Variants in FBXL2 observed in about 807,000 individuals in gnomAD.
The protein encoded by FBXL2 is F-box/LRR-repeat protein 2.
Under a neutral mutation model 69.2 loss-of-function variants are expected in FBXL2, and 38 were observed. The ratio of observed to expected loss-of-function variants is 0.55; its 90% CI spans 0.42 to 0.72. FBXL2 has a LOEUF of 0.72. FBXL2 is among the 30% of genes least tolerant of loss of function. The probability of loss-of-function intolerance (pLI) is 0.00; values close to 1 mark genes in which losing one functional copy is unlikely to be tolerated. For missense variants in FBXL2, 354 were observed against 520.3 expected, an observed-to-expected ratio of 0.68 and a Z score of 3.11; for synonymous variants, 192 against 201.3, an observed-to-expected ratio of 0.95 and a Z score of 0.39.
intron 2 of FBXL2, among the ~76,000 whole-genome samples, chr3:33,335,280 T>A (rs1009422746): frequency 1.3e-5 from 2 of 151,864 alleles, no homozygotes; most frequent in African/African-American, 4.8e-5. Flanking sequence ...AAGGAAATTC[T>A]TTAGGTGAAG....
intron 4 of FBXL2, among the ~76,000 whole-genome samples, chr3:33,363,647 G>C (rs1368983628): frequency 6.6e-6 from 1 of 152,174 alleles, no homozygotes; most frequent in Non-Finnish European, 1.5e-5. Flanking sequence ...GGTTGTTGTA[G>C]TTTGCTACTG....
intron 1 of FBXL2, among the ~76,000 whole-genome samples, chr3:33,293,031 C>T (rs9815095): frequency 0.011 from 1,598 of 152,170 alleles, 22 homozygotes; most frequent in African/African-American, 0.036. Context: ...CTTCTTTTTT[C>T]TATTTTAGTG....
intron 12 of FBXL2, chr3:33,396,244 C>T: frequency 1.3e-6 from 2 of 1,590,010 alleles, no homozygotes; most frequent in Middle Eastern, 1.7e-4. Flanking sequence ...TTGGCTGCTC[C>T]CGGCAGACAT....
At chr3:33,410,297 T>C in the FBXL2 span, among the ~76,000 whole-genome samples, 1 of 152,230 alleles carries the variant, frequency 6.6e-6, no homozygotes, top group Non-Finnish European at 1.5e-5. Flanking sequence ...TTCTGACTGC[T>C]GCACATCCCC....
At chr3:33,323,777 A>G (rs1000428388) in intron 2 of FBXL2, among the ~76,000 whole-genome samples, 6 of 152,168 alleles carry the variant, frequency 3.9e-5, no homozygotes, top group African/African-American at 1.4e-4. Flanking sequence ...ATATGTGTGT[A>G]TGTGTCTTTA....
chr3:33,319,174 G>A (rs9311009), intron 2 of FBXL2, among the ~76,000 whole-genome samples: 23,252 of 152,004 alleles, frequency 0.15, 1,967 homozygotes, highest in African/African-American at 0.21. Context: ...AGGTACTGCA[G>A]TGGTTCAGCA....
intron 1 of FBXL2, among the ~76,000 whole-genome samples, chr3:33,284,807 T>A (rs2034427053): frequency 6.6e-6 from 1 of 152,220 alleles, no homozygotes; most frequent in Non-Finnish European, 1.5e-5. Context: ...GTAATGGCCT[T>A]CTTTGTCTCT....
intron 4 of FBXL2, among the ~76,000 whole-genome samples, chr3:33,361,053 T>C (rs1459056042): frequency 6.9e-6 from 1 of 145,058 alleles, no homozygotes; most frequent in Non-Finnish European, 1.5e-5. Flanking sequence ...TGCCTCAGCC[T>C]CCCATGTAGC....
chr3:33,390,493 G>C, downstream of FBXL2: 1 of 1,005,902 alleles, frequency 9.9e-7, no homozygotes, highest in African/African-American at 1.6e-5. Flanking sequence ...AATGATTCTA[G>C]AGAAACAAGC....
chr3:33,336,543 A>G (rs2039592691), intron 2 of FBXL2, among the ~76,000 whole-genome samples: 3 of 152,258 alleles, frequency 2.0e-5, no homozygotes, highest in Admixed American at 6.5e-5. Flanking sequence ...TTTCGTCAAC[A>G]TGACATACTG....
At chr3:33,354,030 C>G (rs2041016185) in intron 2 of FBXL2, among the ~76,000 whole-genome samples, 1 of 152,122 alleles carries the variant, frequency 6.6e-6, no homozygotes, top group African/African-American at 2.4e-5. Flanking sequence ...ACCTCTAGAA[C>G]TAACTATATA....
At chr3:33,327,756 A>C (rs1274467458) in intron 2 of FBXL2, among the ~76,000 whole-genome samples, 2 of 152,142 alleles carry the variant, frequency 1.3e-5, no homozygotes, top group African/African-American at 4.8e-5. Context: ...AGATTGAACC[A>C]TAAAGGCTTT....
chr3:33,367,744 G>A (rs935381287), intron 5 of FBXL2, among the ~76,000 whole-genome samples: 3 of 150,618 alleles, frequency 2.0e-5, no homozygotes, highest in Admixed American at 6.6e-5. Flanking sequence ...CTTCCTTTTG[G>A]TTACTTTGGG....
At chr3:33,361,188 G>A (rs1430899995) in intron 4 of FBXL2, among the ~76,000 whole-genome samples, 2 of 147,878 alleles carry the variant, frequency 1.4e-5, no homozygotes, top group African/African-American at 2.5e-5. Flanking sequence ...ATCGTGATCC[G>A]CCCGCCTCGG....
chr3:33,289,858 C>T, intron 1 of FBXL2: 5 of 875,420 alleles, frequency 5.7e-6, no homozygotes, highest in Non-Finnish European at 6.9e-6. Context: ...CCCTGTAGTG[C>T]ACCAGGGGGT....
chr3:33,411,575 C>G, the FBXL2 span: 1 of 1,613,516 alleles, frequency 6.2e-7, no homozygotes, highest in South Asian at 1.1e-5. Context: ...ATGTAAAAAT[C>G]CAAACCTGAA....
intron 10 of FBXL2, among the ~76,000 whole-genome samples, chr3:33,375,803 G>C (rs1171459432): frequency 6.6e-6 from 1 of 152,102 alleles, no homozygotes; most frequent in African/African-American, 2.4e-5. Context: ...AGAATGAGGG[G>C]AATATCACAA....
intron 2 of FBXL2, among the ~76,000 whole-genome samples, chr3:33,338,497 G>A (rs2125847656): frequency 6.6e-6 from 1 of 152,142 alleles, no homozygotes; most frequent in Non-Finnish European, 1.5e-5. Context: ...GAACAAAACT[G>A]GAGGTATCAC....
intron 10 of FBXL2, 70 bp downstream of exon 10, chr3:33,375,488 G>T: frequency 6.4e-7 from 1 of 1,569,120 alleles, no homozygotes; most frequent in South Asian, 1.1e-5. Flanking sequence ...CTTCCTTCAG[G>T]AGAGGACAGG....
Sources: allele counts gnomAD v4.1 joint callset (sites outside exome capture counted in the v4.1 genomes callset), GRCh38; gene constraint gnomAD v4.1.1; transcripts MANE v1.5; gene names NCBI Gene and HGNC (gene_info 2026-07-23, HGNC 2026-07-21).